The following DDX27 variants were observed in gnomAD, a reference collection of about 807,000 sequenced individuals.
DDX27 encodes the protein DEAD-box helicase 27, also known as probable ATP-dependent RNA helicase DDX27.
DDX27 carries 42 observed loss-of-function variants against 99.3 expected under a neutral mutation model. The observed-to-expected ratio is 0.42, with a 90% confidence interval of 0.33 to 0.55. The LOEUF (loss-of-function observed/expected upper bound fraction) is 0.55. Among genes scored for constraint, DDX27 ranks in the 20% least tolerant of loss-of-function variants. DDX27 has a pLI of 0.07. For synonymous variants in DDX27, 329 were observed against 353.8 expected (o/e 0.93, Z 0.79); for missense variants, 798 against 976.8 (o/e 0.82, Z 2.44).
chr20:49,242,211 G>A lies in DDX27; in HGVS notation c.2116+5G>A, dbSNP rs1232049480. Reference sequence around the variant, plus strand: ...AGGAGCCAGTGAGAGGTCCTGGTAGGTGAATGGGGAGCCCAAAGGAGCTTG... The same window carrying A: ...AGGAGCCAGTGAGAGGTCCTGGTAGATGAATGGGGAGCCCAAAGGAGCTTG... On this transcript the variant is annotated splice_donor_5th_base_variant and intron_variant, in intron 18 of 20. Transcript: ENST00000618172. The A allele has an allele frequency of 6.2e-7, 1 of 1,614,024 alleles. No homozygotes were observed. Among genetic ancestry groups the A allele is most frequent in the Non-Finnish European group, 8.5e-7 (1 of 1,179,960 alleles).
intron 11 of DDX27, 90 bp downstream of exon 11, chr20:49,233,799 G>A (rs1213079028): frequency 1.9e-5 from 27 of 1,458,238 alleles, no homozygotes; most frequent in South Asian, 1.2e-4. Context: ...TTTCCCCTGC[G>A]CCTCTGCCGT....
Position 49,243,857 on chromosome 20 carries a change from A to T in DDX27, c.*23A>T. 6.2e-7 allele frequency: 1 copy of T among 1,613,964 alleles called. No individual in the cohort carries two copies. The highest frequency in any genetic ancestry group is 8.5e-7 in the Non-Finnish European group (1 of 1,179,964). ...TAGCTGTCGTGGCCTGAAGAAATTC[A>T]TGGGGGCAGCCCTTAAATCCCTTCC... On this transcript the variant is annotated 3_prime_UTR_variant, in exon 21 of 21. Transcript: ENST00000618172.
chr20:49,236,433 GAGA>G lies in DDX27; in HGVS notation c.1614_1616del (p.Glu538del), dbSNP rs761345997. On this transcript the variant is annotated inframe_deletion, in exon 14 of 21. Transcript: ENST00000618172. This position sits in a 1 kb window ranked among gnomAD's most constrained non-coding sequence, Gnocchi z 4.1. The stretch of plus-strand genomic sequence containing the variant: ...GCTGGGCGCTCAGTCTCTCTGGTGG[GAGA>G]AGATGAGCGGAAGATGCTGAAGGAG... The G allele has an allele frequency of 1.9e-6, 3 of 1,613,312 alleles. No individual in the cohort carries two copies. Among genetic ancestry groups the G allele is most frequent in the African/African-American group, 1.3e-5 (1 of 75,036 alleles).
rs1387140183 is a variant in DDX27, at chr20:49,221,496, C to T, written c.138C>T (p.Asn46=). ...GACGACAAAAAGCTTTGGGGAAGAA[C>T]CGCAGTGCTGATTTCAACCCTGATT... ...LGRRQKALGK[N]RSADFNPDFV... Residue 46 remains asparagine (N), a synonymous_variant, in exon 2 of 21, where the codon AAC becomes AAT. Coordinates refer to ENST00000618172, the MANE Select transcript of DDX27 (RefSeq NM_017895.8). 6.2e-7 allele frequency: 1 copy of T among 1,613,624 alleles called. No homozygotes were observed. The highest frequency in any genetic ancestry group is 8.5e-7 in the Non-Finnish European group (1 of 1,179,992).
In DDX27 at chr20:49,243,911, CTT is replaced by C; in HGVS notation, c.*80_*81del. 1 of 1,529,982 alleles carries C rather than the reference CTT, an allele frequency of 6.5e-7. No individual in the cohort carries two copies. Among genetic ancestry groups the C allele is most frequent in the Non-Finnish European group, 8.9e-7 (1 of 1,118,320 alleles). 94.8% of individuals were successfully genotyped at this position (1,529,982 alleles called of 1,614,324 possible). A position where few individuals can be genotyped will look rare whatever the true frequency, so the allele number is the denominator to read the frequency against. On this transcript the variant is annotated 3_prime_UTR_variant, in exon 21 of 21. Coordinates refer to ENST00000618172, the MANE Select transcript of DDX27 (RefSeq NM_017895.8). ...TGGGAAGTCATCCTGGCTGGTCTGT[CTT>C]TTCTCCATTTGTTTAAAAAAAAAAC...
chr20:49,226,275 C>T (rs1979882868), intron 6 of DDX27, among the ~76,000 whole-genome samples, 155 bp from the exon 7 acceptor site: 1 of 152,170 alleles, frequency 6.6e-6, no homozygotes. Flanking sequence ...GTCTAGAGCA[C>T]CACCTCACAC....
At chr20:49,223,158 A>G in intron 3 of DDX27, 110 bp from the exon 4 acceptor site, 1 of 1,379,270 alleles carries the variant, frequency 7.3e-7, no homozygotes, top group Non-Finnish European at 1.0e-6. Context: ...GTGAATCTGT[A>G]CTGAGAATCC....
chr20:49,233,642 C>T lies in DDX27; in HGVS notation c.1206C>T (p.Pro402=). The part of the protein sequence containing the change: ...IFVNSNTDVA[P]FLRQEFIRIR... ...TGAACAGCAACACAGATGTGGCTCC[C>T]TTCCTGCGGCAGGAGTTCATCCGGA... The change falls in exon 11 of 21, where the codon CCC becomes CCT. Residue 402 remains proline, a synonymous_variant. Transcript: ENST00000618172. 2 of 1,614,100 alleles carry T rather than the reference C, an allele frequency of 1.2e-6. No individual in the cohort carries two copies. The highest frequency in any genetic ancestry group is 1.7e-6 in the Non-Finnish European group (2 of 1,179,996).
chr20:49,223,532 C>A, intron 4 of DDX27, 99 bp downstream of exon 4: 20 of 1,103,358 alleles, frequency 1.8e-5, no homozygotes, highest in Non-Finnish European at 2.3e-5. Context: ...CACAGTTTAT[C>A]TTTAAGCTGT....
At position 49,236,980 on chromosome 20, in the gene DDX27, C is replaced by T. The variant is rs1043626884; in HGVS notation, c.1687+470C>T. Among the ~76,000 whole-genome samples, 7 of 151,956 alleles carry T rather than the reference C, an allele frequency of 4.6e-5. No homozygotes were observed. The highest frequency in any genetic ancestry group is 1.2e-4 in the African/African-American group (5 of 41,358). On this transcript the variant is annotated intron_variant, in intron 14 of 20. Transcript: ENST00000618172. This position sits in a 1 kb window ranked among gnomAD's most constrained non-coding sequence, Gnocchi z 4.1. Reference sequence around the variant, plus strand: ...ACCCACCTTCTGCCTCCCAAAGTGCCGGGATTAACAGTAATGAGCCACCAT... The same window carrying T: ...ACCCACCTTCTGCCTCCCAAAGTGCTGGGATTAACAGTAATGAGCCACCAT...
chr20:49,223,124 G>A (rs6019698), intron 3 of DDX27, 108 bp downstream of exon 3: 2 of 1,352,806 alleles, frequency 1.5e-6, no homozygotes, highest in Non-Finnish European at 2.1e-6. Context: ...GGCTGGGGCA[G>A]GCGCACTCTT....
chr20:49,235,316 A>C (rs904955508), intron 12 of DDX27: 2 of 430,360 alleles, frequency 4.6e-6, no homozygotes, highest in Non-Finnish European at 8.0e-6. Context: ...GCTTGTCCCT[A>C]GCATGGGAGC....
intron 11 of DDX27, 138 bp from the exon 12 acceptor site, chr20:49,234,797 A>G (rs1428861740): frequency 3.0e-6 from 3 of 1,012,456 alleles, no homozygotes; most frequent in Non-Finnish European, 2.7e-6. Context: ...CCACCCTGGA[A>G]TTTGAGTTCC....
chr20:49,230,675 A>G (rs1336913681), intron 9 of DDX27, among the ~76,000 whole-genome samples: 1 of 152,208 alleles, frequency 6.6e-6, no homozygotes, highest in Admixed American at 6.5e-5. Flanking sequence ...CGCACACCAT[A>G]GTGTTGAGGA....
At chr20:49,223,882 AAAAAC>A (rs1426494524) in intron 4 of DDX27, among the ~76,000 whole-genome samples, 3 of 152,122 alleles carry the variant, frequency 2.0e-5, no homozygotes, top group Admixed American at 1.3e-4. Flanking sequence ...CCCTGTCTCA[AAAAAC>A]AAAACAAAAG....
chr20:49,228,915 C>G, intron 8 of DDX27, 27 bp downstream of exon 8: 2 of 1,556,396 alleles, frequency 1.3e-6, no homozygotes, highest in East Asian at 2.3e-5. Flanking sequence ...GGGCTGCCAG[C>G]CCCTGAGAGA....
chr20:49,229,675 G>A (rs1049532567), intron 8 of DDX27, among the ~76,000 whole-genome samples: 51 of 142,954 alleles, frequency 3.6e-4, no homozygotes, highest in African/African-American at 1.2e-3. Flanking sequence ...TTGAGAGGAA[G>A]TCTCACTCTG....
Position 49,241,975 on chromosome 20 carries a change from G to C in DDX27, c.1980G>C (p.Lys660Asn), listed in dbSNP as rs1239706631. The C allele has an allele frequency of 3.8e-5, 61 of 1,613,404 alleles. No individual in the cohort carries two copies. The highest frequency in any genetic ancestry group is 4.9e-5 in the Non-Finnish European group (58 of 1,179,856). Residue 660 changes from lysine to asparagine, a missense_variant, in exon 17 of 21, where the codon AAG (lysine) becomes AAC (asparagine). Lys to Asn is a moderately conservative substitution (Grantham distance 94, BLOSUM62 0). Transcript: ENST00000618172. Reference sequence around the variant, plus strand: ...AGTTTATGAAGGATGCCAAAAAAAAGGGGGAGATGACAGTGAGTGGCCTCC... The same window carrying C: ...AGTTTATGAAGGATGCCAAAAAAAACGGGGAGATGACAGTGAGTGGCCTCC... ...RKKFMKDAKK[K>N]GEMTAEERSQ... is the part of the protein sequence containing the mutation.
rs36048579 is a variant in DDX27 at position 49,226,857 on chromosome 20, C to CTTTTTTTTTTTTT, written c.706+333_706+345dup. The stretch of plus-strand genomic sequence containing the variant: ...CTGGTGCAATTGAGAGAGTAAAGGA[C>CTTTTTTTTTTTTT]TTTTTTTTTTTTTTTTTTTTTTTGA... On this transcript the variant is annotated intron_variant, in intron 7 of 20. Coordinates refer to ENST00000618172, the MANE Select transcript of DDX27 (RefSeq NM_017895.8). Among the ~76,000 whole-genome samples the CTTTTTTTTTTTTT allele has an allele frequency of 6.3e-5, 4 of 63,460 alleles. 1 individual carries two copies. The highest frequency in any genetic ancestry group is 6.5e-4 in the South Asian group (1 of 1,540). 41.6% of individuals were successfully genotyped at this position (63,460 alleles called of 152,430 possible). A position where few individuals can be genotyped will look rare whatever the true frequency, so the allele number is the denominator to read the frequency against.
Sources: allele counts gnomAD v4.1 joint callset (sites outside exome capture counted in the v4.1 genomes callset), GRCh38; gene constraint gnomAD v4.1.1; non-coding constraint Gnocchi (gnomAD v3.1); transcripts MANE v1.5; gene names NCBI Gene and HGNC (gene_info 2026-07-23, HGNC 2026-07-21).